The following GRIP1 variants were observed in gnomAD, a reference collection of about 807,000 sequenced individuals.
GRIP1 encodes the protein glutamate receptor-interacting protein 1.
In GRIP1, 45 loss-of-function variants were observed where a neutral mutation model predicts 129.9. The observed-to-expected ratio is 0.35, with a 90% CI of 0.27 to 0.44. The LOEUF (loss-of-function observed/expected upper bound fraction) is 0.44. GRIP1 is among the 20% of genes least tolerant of loss of function. The pLI is 1.00. For synonymous variants in GRIP1, 530 were observed against 520.8 expected, an observed-to-expected ratio of 1.02 and a Z score of -0.24; for missense variants, 1,196 against 1,396.8, an observed-to-expected ratio of 0.86 and a Z score of 2.29.
intron 1 of GRIP1, among the ~76,000 whole-genome samples, chr12:66,833,238 G>T (rs1272607600): frequency 1.3e-5 from 2 of 152,174 alleles, no homozygotes; most frequent in African/African-American, 4.8e-5. Context: ...CTAAAGTAGG[G>T]TGTGTACTCT....
chr12:66,745,012 ATT>A (rs1460499778), intron 1 of GRIP1, among the ~76,000 whole-genome samples: 1 of 152,158 alleles, frequency 6.6e-6, no homozygotes, highest in Non-Finnish European at 1.5e-5. Context: ...GGCCACTTGA[ATT>A]TCAGGGACAA....
chr12:67,066,387 A>C (rs1295014694), intron 1 of GRIP1, among the ~76,000 whole-genome samples: 1 of 152,174 alleles, frequency 6.6e-6, no homozygotes, highest in East Asian at 1.9e-4. Flanking sequence ...ATCTTGTATT[A>C]ATTTGCGTTA....
At chr12:66,921,154 G>A (rs1335383794) in intron 1 of GRIP1, among the ~76,000 whole-genome samples, 1 of 152,186 alleles carries the variant, frequency 6.6e-6, no homozygotes, top group Non-Finnish European at 1.5e-5. Flanking sequence ...GACTTCAGAA[G>A]CCCTTCAGCT....
chr12:66,507,295 G>A (rs374034114), intron 7 of GRIP1, among the ~76,000 whole-genome samples: 4 of 152,126 alleles, frequency 2.6e-5, no homozygotes, highest in South Asian at 2.1e-4. Context: ...AAAATTAGCC[G>A]GGCATGGTAG....
intron 9 of GRIP1, among the ~76,000 whole-genome samples, chr12:66,456,572 T>C (rs983024934): frequency 6.6e-6 from 1 of 152,102 alleles, no homozygotes; most frequent in African/African-American, 2.4e-5. Context: ...ATGCATATCT[T>C]TCCTCAGCTC....
chr12:66,641,760 CCT>C (rs766717224), intron 1 of GRIP1, among the ~76,000 whole-genome samples: 1 of 151,916 alleles, frequency 6.6e-6, no homozygotes, highest in African/African-American at 2.4e-5. Flanking sequence ...CTGTGGGTCA[CCT>C]CTCTCTCTCT....
chr12:66,626,162 T>C (rs10748055), intron 1 of GRIP1, among the ~76,000 whole-genome samples: 103,390 of 151,880 alleles, frequency 0.68, 36,389 homozygotes, highest in African/African-American at 0.84. Context: ...CCCATCTCTA[T>C]CAAAAATACA....
In GRIP1 at chr12:66,770,115, A is replaced by G. The variant is rs527347504; in HGVS notation, c.-420+33938T>C. On this transcript the variant is annotated intron_variant, in intron 1 of 4. Transcript: ENST00000538373. ...CCTACCTCATGGATTATTGAAATGA[A>G]CTAAAACATATAAAGCATTTGGCAC... Among the ~76,000 whole-genome samples, 14 of 152,336 alleles carry G rather than the reference A, an allele frequency of 9.2e-5. No individual in the cohort carries two copies. In the East Asian group the frequency reaches 2.7e-3, roughly 29 times the overall value.
intron 5 of GRIP1, among the ~76,000 whole-genome samples, chr12:66,518,541 T>C (rs573691817): frequency 7.2e-5 from 11 of 152,236 alleles, no homozygotes; most frequent in Non-Finnish European, 1.6e-4. Context: ...TTTAACTTTC[T>C]GTTAGAAAAC....
chr12:67,043,625 T>G (rs1409621441), intron 1 of GRIP1, among the ~76,000 whole-genome samples: 1 of 152,260 alleles, frequency 6.6e-6, no homozygotes, highest in Middle Eastern at 3.4e-3. Context: ...ATTCTCACAG[T>G]TGGGGCATCA....
At chr12:66,550,609 A>G (rs1426039278) in intron 2 of GRIP1, among the ~76,000 whole-genome samples, 1 of 152,190 alleles carries the variant, frequency 6.6e-6, no homozygotes, top group Non-Finnish European at 1.5e-5. Context: ...CTACTTTAGA[A>G]ACTCTGACCT....
intron 1 of GRIP1, among the ~76,000 whole-genome samples, chr12:66,660,105 C>T (rs976793743): frequency 9.9e-5 from 15 of 152,116 alleles, no homozygotes; most frequent in East Asian, 5.8e-4. Flanking sequence ...TAAAATGTGA[C>T]GGCCTCAGCC....
intron 1 of GRIP1, among the ~76,000 whole-genome samples, chr12:66,903,520 CA>C (rs148731850): frequency 2.0e-5 from 3 of 151,334 alleles, no homozygotes; most frequent in Non-Finnish European, 4.4e-5. Flanking sequence ...AGAATATCTC[CA>C]AAAAAAATAT....
intron 1 of GRIP1, among the ~76,000 whole-genome samples, chr12:66,646,562 T>G (rs757601019): frequency 1.3e-5 from 2 of 152,228 alleles, no homozygotes; most frequent in African/African-American, 4.8e-5. Flanking sequence ...ACATAAGCCT[T>G]GCTAGGTGAC....
intron 1 of GRIP1, among the ~76,000 whole-genome samples, chr12:66,740,236 C>G (rs74364362): frequency 1.3e-5 from 2 of 152,224 alleles, no homozygotes; most frequent in African/African-American, 2.4e-5. Context: ...TTCTGTCTGG[C>G]CTTCCTAGCC....
At chr12:66,937,256 G>T (rs1392834355) in intron 1 of GRIP1, among the ~76,000 whole-genome samples, 2 of 151,958 alleles carry the variant, frequency 1.3e-5, no homozygotes, top group Non-Finnish European at 2.9e-5. Flanking sequence ...CTCTACCCCT[G>T]ACACTTGGCC....
intron 4 of GRIP1, among the ~76,000 whole-genome samples, chr12:66,533,438 A>G (rs1220693599): frequency 6.6e-6 from 1 of 151,904 alleles, no homozygotes; most frequent in Non-Finnish European, 1.5e-5. Context: ...TGAGGTCAGG[A>G]GTTTGAGACC....
At chr12:66,541,117 C>T (rs1030972158) in intron 3 of GRIP1, among the ~76,000 whole-genome samples, 4 of 152,100 alleles carry the variant, frequency 2.6e-5, no homozygotes, top group Non-Finnish European at 5.9e-5. Context: ...CCGGCCTGGC[C>T]TCATTTTTAA....
chr12:66,474,016 G>A (rs539652789), intron 7 of GRIP1, among the ~76,000 whole-genome samples: 3 of 152,032 alleles, frequency 2.0e-5, no homozygotes, highest in African/African-American at 7.2e-5. Flanking sequence ...TCAGAAGATG[G>A]GTAATAACAA....
Sources: gnomAD v4.1 joint callset for allele counts (sites outside exome capture counted in the v4.1 genomes callset) on GRCh38, gnomAD v4.1.1 for gene constraint, MANE v1.5 for transcripts, NCBI Gene and HGNC (gene_info 2026-07-23, HGNC 2026-07-21) for gene names.